The following MCEE variants were observed in gnomAD, a reference collection of about 807,000 sequenced individuals.
The protein encoded by MCEE is methylmalonyl-CoA epimerase, mitochondrial.
Under a neutral mutation model 12.9 loss-of-function variants are expected in MCEE, and 6 were observed. The observed-to-expected ratio is 0.47, with a 90% CI of 0.26 to 0.92. The LOEUF (loss-of-function observed/expected upper bound fraction) is 0.92. MCEE is among the 40% of genes least tolerant of loss of function. The pLI is 0.16. For missense variants in MCEE, 214 were observed against 212.1 expected (o/e 1.01, Z -0.05); for synonymous variants, 78 against 77.9 (o/e 1.00, Z -0.01).
chr2:71,110,011 T>C lies in MCEE; in HGVS notation c.490A>G (p.Lys164Glu), dbSNP rs370822399. The change falls in exon 3 of 3, where the codon AAA (lysine) becomes GAA (glutamate). Residue 164 changes from lysine to glutamate, a missense_variant. Coordinates refer to ENST00000244217, the MANE Select transcript of MCEE (RefSeq NM_032601.4). ...HGKPVIFLHP[K>E]DCGGVLVELE... is the part of the protein sequence containing the mutation. Reference sequence around the variant, plus strand: ...TCCACAAGGACTCCACCACAGTCTTTAGGATGGAGAAAAATCACTGGTTTT... The same window carrying C: ...TCCACAAGGACTCCACCACAGTCTTCAGGATGGAGAAAAATCACTGGTTTT... 3.1e-6 allele frequency: 5 copies of C among 1,613,706 alleles called. No homozygotes were observed. The East Asian group carries it at 6.7e-5, about 22-fold the overall frequency.
chr2:71,129,994 C>T, intron 1 of MCEE, 186 bp downstream of exon 1: 2 of 676,588 alleles, frequency 3.0e-6, no homozygotes, highest in South Asian at 3.3e-5. Context: ...AGGCAATCCC[C>T]GCTACTAAGC....
At chr2:71,110,252 T>A in intron 2 of MCEE, 130 bp from the exon 3 acceptor site, 1 of 750,752 alleles carries the variant, frequency 1.3e-6, no homozygotes. Flanking sequence ...GGACCATTCT[T>A]AAATCATCAT....
intron 2 of MCEE, among the ~76,000 whole-genome samples, chr2:71,118,665 C>A (rs1402760343): frequency 6.7e-6 from 1 of 149,840 alleles, no homozygotes; most frequent in Non-Finnish European, 1.5e-5. Context: ...ACACTAATCC[C>A]ATTCATGAGG....
chr2:71,126,219 A>C (rs1176485080), intron 1 of MCEE, among the ~76,000 whole-genome samples: 1 of 151,072 alleles, frequency 6.6e-6, no homozygotes, highest in African/African-American at 2.5e-5. Context: ...ATTACTGTTA[A>C]ACTGTACTTT....
rs1672854438 is a variant in MCEE, at chr2:71,110,025, A to G, written c.476T>C (p.Ile159Thr). The change falls in exon 3 of 3, where the codon ATT (isoleucine) becomes ACT (threonine). Residue 159 changes from isoleucine to threonine, a missense_variant. Coordinates refer to ENST00000244217, the MANE Select transcript of MCEE (RefSeq NM_032601.4). ...VKIGAHGKPV[I>T]FLHPKDCGGV... ...ACCACAGTCTTTAGGATGGAGAAAAATCACTGGTTTTCCATGTGCTCCTAT... is the reference window on the plus strand; with the variant it reads ...ACCACAGTCTTTAGGATGGAGAAAAGTCACTGGTTTTCCATGTGCTCCTAT... 1.2e-6 allele frequency: 2 copies of G among 1,613,780 alleles called. No homozygotes were observed. The highest frequency in any genetic ancestry group is 2.7e-5 in the African/African-American group (2 of 74,930).
At chr2:71,114,957 G>A (rs1672961298) in intron 2 of MCEE, among the ~76,000 whole-genome samples, 2 of 152,000 alleles carry the variant, frequency 1.3e-5, no homozygotes, top group Non-Finnish European at 2.9e-5. Context: ...TAACTCCTAT[G>A]CTACATGTGA....
chr2:71,117,928 A>G lies in MCEE; in HGVS notation c.378+6278T>C, dbSNP rs1054251775. ...CACTCATCACCCTCCATGTGCTCCA[A>G]CCGTGGGGCTGCCCTCTTCATCCCA... On this transcript the variant is annotated intron_variant, in intron 2 of 2. Coordinates refer to ENST00000244217, the MANE Select transcript of MCEE (RefSeq NM_032601.4). Among the ~76,000 whole-genome samples, 9 of 149,480 alleles carry G rather than the reference A, an allele frequency of 6.0e-5. 1 individual carries two copies. The East Asian group carries it at 1.6e-3, about 26-fold the overall frequency.
intron 2 of MCEE, among the ~76,000 whole-genome samples, chr2:71,116,056 A>G (rs1024215831): frequency 6.7e-6 from 1 of 150,100 alleles, no homozygotes. Context: ...AAGACTTTGC[A>G]TACCACTAGT....
intron 2 of MCEE, among the ~76,000 whole-genome samples, chr2:71,120,398 G>C (rs144564470): frequency 6.7e-6 from 1 of 150,258 alleles, no homozygotes; most frequent in Non-Finnish European, 1.5e-5. Context: ...CCAGAAAACA[G>C]TGGGTGATTC....
Position 71,110,081 on chromosome 2 carries a change from C to T in MCEE, c.420G>A (p.Lys140=), listed in dbSNP as rs1487698452. ...INAAVMDLKK[K]KIRSLSEEVK... ...CCTCTTCACTTAGACTGCGGATCTT[C>T]TTTTTTTTCAAATCCATCACAGCTG... The change falls in exon 3 of 3, where the codon AAG becomes AAA. Residue 140 remains lysine (K), a synonymous_variant. Transcript: ENST00000244217. The T allele has an allele frequency of 1.2e-6, 2 of 1,612,146 alleles. No homozygotes were observed. The highest frequency in any genetic ancestry group is 1.7e-6 in the Non-Finnish European group (2 of 1,178,672).
chr2:71,110,781 G>A (rs1023923847), intron 2 of MCEE: 3 of 152,370 alleles, frequency 2.0e-5, no homozygotes, highest in Non-Finnish European at 2.9e-5. Flanking sequence ...ACTCTAGGAG[G>A]AGCAGATGTG....
intron 2 of MCEE, among the ~76,000 whole-genome samples, chr2:71,112,711 CA>C (rs1486308354): frequency 6.6e-6 from 1 of 152,198 alleles, no homozygotes; most frequent in Non-Finnish European, 1.5e-5. Context: ...GCTGGGATTA[CA>C]GGCGTGAGCC....
At chr2:71,114,890 C>T (rs1672960022) in intron 2 of MCEE, among the ~76,000 whole-genome samples, 1 of 152,136 alleles carries the variant, frequency 6.6e-6, no homozygotes, top group East Asian at 1.9e-4. Flanking sequence ...TTCTACTTCT[C>T]ATATGTTTGA....
intron 2 of MCEE, 75 bp from the exon 3 acceptor site, chr2:71,110,197 A>G: frequency 7.2e-7 from 1 of 1,394,080 alleles, no homozygotes; most frequent in Non-Finnish European, 1.0e-6. Flanking sequence ...AGACTTAGAA[A>G]AAACTTTGAG....
rs544148756 is a variant in MCEE, at chr2:71,127,013, GTTTAA to G, written c.41-2475_41-2471del. Among the ~76,000 whole-genome samples the G allele has an allele frequency of 1.1e-3, 169 of 152,268 alleles. 1 individual carries two copies. The highest frequency in any genetic ancestry group is 3.9e-3 in the African/African-American group (161 of 41,542). ...ATTGCATTATTTTGAATTCTGCAAT[GTTTAA>G]TTTGTGATTATTCCAATAAAGGTTG... On this transcript the variant is annotated intron_variant, in intron 1 of 2. Transcript: ENST00000244217.
At chr2:71,125,211 A>ATATATATATATATATAT in intron 1 of MCEE, among the ~76,000 whole-genome samples, 1 of 48,594 alleles carries the variant, frequency 2.1e-5, no homozygotes, top group Admixed American at 3.3e-4. Context: ...ATATATATAT[A>ATATATATATATATATAT]TTTTTTTTTT....
At chr2:71,125,139 A>C (rs13409949) in intron 1 of MCEE, among the ~76,000 whole-genome samples, 8,207 of 143,724 alleles carry the variant, frequency 0.057, 568 homozygotes, top group African/African-American at 0.16. Flanking sequence ...GGTGCCTGTC[A>C]CCATACCCAG....
intron 2 of MCEE, among the ~76,000 whole-genome samples, chr2:71,124,004 C>T (rs1433866155): frequency 8.6e-5 from 13 of 152,040 alleles, no homozygotes; most frequent in Non-Finnish European, 1.8e-4. Context: ...CAAAAAAATA[C>T]ATTAATATTA....
At chr2:71,123,492 C>CAA (rs58746349) in intron 2 of MCEE, among the ~76,000 whole-genome samples, 8 of 104,012 alleles carry the variant, frequency 7.7e-5, no homozygotes, top group Non-Finnish European at 1.5e-4. Flanking sequence ...GACTCCGTCT[C>CAA]AAAAAAAAAA....
Sources: gnomAD v4.1 joint callset for allele counts (sites outside exome capture counted in the v4.1 genomes callset) on GRCh38, gnomAD v4.1.1 for gene constraint, MANE v1.5 for transcripts, NCBI Gene and HGNC (gene_info 2026-07-23, HGNC 2026-07-21) for gene names.